Variants in LYPLA1 observed in about 807,000 individuals in gnomAD.
LYPLA1 encodes acyl-protein thioesterase 1.
In LYPLA1, 17 loss-of-function variants were observed where a neutral mutation model predicts 34.0. That is an observed-to-expected ratio of 0.50 (90% CI 0.34 to 0.75). The LOEUF is 0.75. Ranked by LOEUF, LYPLA1 falls within the 30% of genes least tolerant of loss-of-function variation. LYPLA1 has a pLI of 0.01. For synonymous variants in LYPLA1, 98 were observed against 100.8 expected (o/e 0.97, Z 0.17); for missense variants, 203 against 288.8 (o/e 0.70, Z 2.15).
intron 2 of LYPLA1, among the ~76,000 whole-genome samples, chr8:54,089,628 CTTT>C (rs879905074): frequency 2.1e-5 from 3 of 142,414 alleles, no homozygotes; most frequent in Non-Finnish European, 3.1e-5. Context: ...TTGCCAACCT[CTTT>C]TTTTTTTTTT....
chr8:54,081,709 C>G (rs187248335), intron 2 of LYPLA1, among the ~76,000 whole-genome samples: 12 of 151,002 alleles, frequency 7.9e-5, no homozygotes, highest in Non-Finnish European at 1.6e-4. Flanking sequence ...ACCACTGCGC[C>G]CAGCCTTTCT....
rs1307964399 is a variant in LYPLA1 at position 54,100,687 on chromosome 8, A to AT, written c.101+220dup. ...AACTAATGAGGAATTTGAAATTTTA[A>AT]TATGTTCCAGAAACCAGAGTTAAAA... On this transcript the variant is annotated intron_variant, in intron 2 of 8. Coordinates refer to ENST00000316963, the MANE Select transcript of LYPLA1 (RefSeq NM_006330.4). The AT allele has an allele frequency of 7.5e-6, 4 of 534,140 alleles. No individual in the cohort carries two copies. In the African/African-American group the frequency reaches 7.8e-5, roughly 10 times the overall value. 33.1% of individuals were successfully genotyped at this position (534,140 alleles called of 1,614,324 possible). A position where few individuals can be genotyped will look rare whatever the true frequency, so the allele number is the denominator to read the frequency against.
In LYPLA1 at chr8:54,065,773, G is replaced by A; in HGVS notation, c.142C>T (p.His48Tyr). 2.5e-6 allele frequency: 4 copies of A among 1,613,896 alleles called. No individual in the cohort carries two copies. The highest frequency in any genetic ancestry group is 3.4e-6 in the Non-Finnish European group (4 of 1,179,868). The change falls in exon 3 of 9, where the codon CAT becomes TAT. Residue 48 changes from histidine (H) to tyrosine (Y), a missense_variant. Physicochemically the swap from His to Tyr is moderately conservative, Grantham distance 83 (BLOSUM62 2). Around this residue, in one of 3 missense-constraint regions of LYPLA1, gnomAD observed 75 missense variants for 73.5 expected, o/e 1.02. Coordinates refer to ENST00000316963, the MANE Select transcript of LYPLA1 (RefSeq NM_006330.4). Reference protein sequence around the residue: ...AEAFAGIRSSHIKYICPHAPV... With the variant: ...AEAFAGIRSSYIKYICPHAPV... ...GCATGCGGGCAGATATATTTGATAT[G>A]TGAACTTCTGATACCTGCAAAGGCT...
At chr8:54,071,503 A>G (rs1807464020) in intron 2 of LYPLA1, among the ~76,000 whole-genome samples, 2 of 152,182 alleles carry the variant, frequency 1.3e-5, no homozygotes, top group East Asian at 1.9e-4. Flanking sequence ...GGCGTGGACA[A>G]GCACACACAG....
chr8:54,086,763 T>C (rs1294293274), intron 2 of LYPLA1, among the ~76,000 whole-genome samples: 3 of 152,046 alleles, frequency 2.0e-5, no homozygotes, highest in Non-Finnish European at 2.9e-5. Context: ...CTTGGGAGTA[T>C]GGTTTGAGCC....
chr8:54,069,907 G>A (rs1472450383), intron 2 of LYPLA1, among the ~76,000 whole-genome samples: 1 of 152,074 alleles, frequency 6.6e-6, no homozygotes, highest in Non-Finnish European at 1.5e-5. Context: ...AACATCATTA[G>A]TCATTAGAAA....
intron 2 of LYPLA1, among the ~76,000 whole-genome samples, chr8:54,066,297 A>G (rs1487711630): frequency 1.3e-5 from 2 of 152,188 alleles, no homozygotes; most frequent in Non-Finnish European, 1.5e-5. Context: ...GAATCTAAAA[A>G]GAACCCAGCA....
intron 6 of LYPLA1, chr8:54,053,176 C>T (rs560205446): frequency 6.1e-4 from 107 of 176,334 alleles, no homozygotes; most frequent in African/African-American, 2.4e-3. Context: ...CTCACCACAA[C>T]CTCCGCCTCC....
At position 54,076,472 on chromosome 8, in the gene LYPLA1, T is replaced by G. The variant is rs189876126; in HGVS notation, c.102-10659A>C. Among the ~76,000 whole-genome samples the G allele has an allele frequency of 2.1e-3, 318 of 152,330 alleles. 1 individual carries two copies. Among genetic ancestry groups the G allele is most frequent in the African/African-American group, 7.2e-3 (301 of 41,568 alleles). ...GAGAAGTAGCTCACCATGACAAAGC[T>G]GCCTTTGCTTTTATATCTCTTTGCA... On this transcript the variant is annotated intron_variant, in intron 2 of 8. Coordinates refer to ENST00000316963, the MANE Select transcript of LYPLA1 (RefSeq NM_006330.4).
chr8:54,091,975 T>G (rs1431594191), intron 2 of LYPLA1, among the ~76,000 whole-genome samples: 1 of 151,558 alleles, frequency 6.6e-6, no homozygotes, highest in East Asian at 2.0e-4. Context: ...GTACTTCCAG[T>G]CACTTGGGAG....
chr8:54,061,719 C>A (rs1311243540), intron 5 of LYPLA1, among the ~76,000 whole-genome samples: 80 of 152,244 alleles, frequency 5.3e-4, no homozygotes, highest in Admixed American at 5.1e-3. Context: ...GAGGTCAAGG[C>A]TGCAGTGAGC....
intron 8 of LYPLA1, 95 bp downstream of exon 8, chr8:54,050,917 T>A (rs1457073261): frequency 3.0e-6 from 4 of 1,324,926 alleles, no homozygotes; most frequent in Non-Finnish European, 4.2e-6. Context: ...AATTAACTCA[T>A]TTAAATCCCC....
At chr8:54,083,850 A>T (rs1667915359) in intron 2 of LYPLA1, among the ~76,000 whole-genome samples, 1 of 152,082 alleles carries the variant, frequency 6.6e-6, no homozygotes, top group African/African-American at 2.4e-5. Flanking sequence ...AAAAATAAAG[A>T]TCTCAGGCCG....
chr8:54,064,347 G>A (rs771434980), intron 3 of LYPLA1, among the ~76,000 whole-genome samples: 33 of 152,046 alleles, frequency 2.2e-4, no homozygotes, highest in Non-Finnish European at 3.7e-4. Context: ...AACCCGGGAG[G>A]CAGAGGTTGC....
intron 2 of LYPLA1, among the ~76,000 whole-genome samples, chr8:54,074,814 T>C (rs951216559): frequency 2.6e-5 from 4 of 152,234 alleles, no homozygotes; most frequent in Non-Finnish European, 2.9e-5. Context: ...GACTAGCTTA[T>C]GTACATGTAT....
intron 2 of LYPLA1, among the ~76,000 whole-genome samples, chr8:54,077,319 C>A (rs921233007): frequency 2.0e-5 from 3 of 152,032 alleles, no homozygotes; most frequent in African/African-American, 7.2e-5. Context: ...AGGAGAGGAA[C>A]AACAGACACT....
At chr8:54,092,350 G>A (rs1445338129) in intron 2 of LYPLA1, among the ~76,000 whole-genome samples, 1 of 151,760 alleles carries the variant, frequency 6.6e-6, no homozygotes, top group Non-Finnish European at 1.5e-5. Flanking sequence ...AGGAGGAAGA[G>A]GAGGAGAAGG....
chr8:54,069,294 A>AT (rs1807297418), intron 2 of LYPLA1, among the ~76,000 whole-genome samples: 1 of 152,248 alleles, frequency 6.6e-6, no homozygotes, highest in Non-Finnish European at 1.5e-5. Context: ...GAGGTGATGG[A>AT]TATGCTAATT....
chr8:54,055,268 T>C (rs887319188), intron 5 of LYPLA1, 135 bp from the exon 6 acceptor site: 4 of 575,404 alleles, frequency 7.0e-6, no homozygotes, highest in Non-Finnish European at 1.2e-5. Context: ...TTCAAAGCAC[T>C]TCATTAAAAT....
Sources: allele counts gnomAD v4.1 joint callset (sites outside exome capture counted in the v4.1 genomes callset), GRCh38; gene constraint gnomAD v4.1.1; regional missense constraint gnomAD v4.1.1; transcripts MANE v1.5; gene names NCBI Gene and HGNC (gene_info 2026-07-23, HGNC 2026-07-21).